PPM1E: variants seen among roughly 807,000 people sequenced by gnomAD.
PPM1E encodes the protein protein phosphatase 1E.
A neutral mutation model predicts 65.9 loss-of-function variants in PPM1E; 20 were observed. The ratio of observed to expected loss-of-function variants is 0.30; its 90% CI spans 0.21 to 0.44. The LOEUF (loss-of-function observed/expected upper bound fraction) is 0.44. PPM1E is among the 20% of genes least tolerant of loss of function. The pLI, the probability that PPM1E is intolerant of heterozygous loss-of-function variation, is 1.00. For missense variants in PPM1E, 713 were observed against 953.1 expected, an observed-to-expected ratio of 0.75 and a Z score of 3.32; for synonymous variants, 352 against 374.9, an observed-to-expected ratio of 0.94 and a Z score of 0.70.
chr17:58,925,347 T>C (rs2051810709), intron 1 of PPM1E, among the ~76,000 whole-genome samples: 1 of 152,172 alleles, frequency 6.6e-6, no homozygotes, highest in African/African-American at 2.4e-5. Flanking sequence ...AGCCCTTTTT[T>C]CATACCTTTT....
At chr17:58,759,828 A>T (rs1196777296) in intron 1 of PPM1E, among the ~76,000 whole-genome samples, 3 of 152,258 alleles carry the variant, frequency 2.0e-5, no homozygotes, top group Non-Finnish European at 4.4e-5. Context: ...ATTCAGTTAC[A>T]TTGAATTGTG....
At chr17:58,848,667 C>T (rs1298625626) in intron 1 of PPM1E, among the ~76,000 whole-genome samples, 3 of 152,102 alleles carry the variant, frequency 2.0e-5, no homozygotes, top group East Asian at 1.9e-4. Flanking sequence ...CTGCTGGATT[C>T]GGTTTGCCAG....
At chr17:58,857,396 G>A (rs913893081) in intron 1 of PPM1E, among the ~76,000 whole-genome samples, 5 of 151,896 alleles carry the variant, frequency 3.3e-5, no homozygotes, top group African/African-American at 7.3e-5. Flanking sequence ...GTACTATGTC[G>A]GTAGCAGTTT....
At chr17:58,778,954 A>ATATATATATG (rs2050024782) in intron 1 of PPM1E, among the ~76,000 whole-genome samples, 1 of 135,458 alleles carries the variant, frequency 7.4e-6, no homozygotes, top group Non-Finnish European at 1.6e-5. Context: ...ATATATATAT[A>ATATATATATG]TATATATGTA....
At chr17:58,930,250 T>TACACACACACAC (rs377147999) in intron 1 of PPM1E, among the ~76,000 whole-genome samples, 2 of 143,202 alleles carry the variant, frequency 1.4e-5, no homozygotes, top group African/African-American at 2.6e-5. Flanking sequence ...TAAATGTATA[T>TACACACACACAC]ACACACACAC....
Position 58,867,731 on chromosome 17 carries a change from T to C in PPM1E, c.465-87918T>C, listed in dbSNP as rs557609195. On this transcript the variant is annotated intron_variant, in intron 1 of 6. Coordinates refer to ENST00000308249, the MANE Select transcript of PPM1E (RefSeq NM_014906.5). ...TTAAAAGGATCAGATTTGGAAAAATTTTTGTATCTCACAATTTTGTTTTAC... is the reference window on the plus strand; with the variant it reads ...TTAAAAGGATCAGATTTGGAAAAATCTTTGTATCTCACAATTTTGTTTTAC... 7.2e-5 allele frequency among the ~76,000 whole-genome samples: 11 copies of C among 152,320 alleles called. No homozygotes were observed. The East Asian group carries it at 2.1e-3, about 29-fold the overall frequency.
chr17:58,927,680 C>G (rs1297530526), intron 1 of PPM1E, among the ~76,000 whole-genome samples: 1 of 152,034 alleles, frequency 6.6e-6, no homozygotes, highest in Non-Finnish European at 1.5e-5. Flanking sequence ...GAAGCTGAGG[C>G]AGGTGGATTG....
At chr17:58,791,878 C>G (rs2050160775) in intron 1 of PPM1E, among the ~76,000 whole-genome samples, 1 of 152,100 alleles carries the variant, frequency 6.6e-6, no homozygotes, top group Non-Finnish European at 1.5e-5. Flanking sequence ...TTCCTTAACC[C>G]TTTTTCCTGT....
chr17:58,867,258 A>G (rs948325502), intron 1 of PPM1E, among the ~76,000 whole-genome samples: 1 of 152,224 alleles, frequency 6.6e-6, no homozygotes, highest in Non-Finnish European at 1.5e-5. Flanking sequence ...GATTACAGGC[A>G]TGAGCCATCG....
chr17:58,927,102 ATTAC>A (rs779235479), intron 1 of PPM1E, among the ~76,000 whole-genome samples: 7 of 144,268 alleles, frequency 4.9e-5, no homozygotes, highest in African/African-American at 1.3e-4. Flanking sequence ...TTAGAGATAT[ATTAC>A]TTACTGACTT....
intron 1 of PPM1E, among the ~76,000 whole-genome samples, chr17:58,869,164 C>T (rs1233703959): frequency 6.6e-6 from 1 of 152,098 alleles, no homozygotes; most frequent in Non-Finnish European, 1.5e-5. Flanking sequence ...AGTGGGACTC[C>T]GTCTCAACAA....
chr17:58,785,030 C>T (rs978252383), intron 1 of PPM1E, among the ~76,000 whole-genome samples: 2 of 152,038 alleles, frequency 1.3e-5, no homozygotes, highest in Non-Finnish European at 1.5e-5. Flanking sequence ...TCTTTTGTCA[C>T]ATGTCCTTTG....
chr17:58,934,087 CAAAAAA>C (rs11316368), intron 1 of PPM1E, among the ~76,000 whole-genome samples: 9 of 80,134 alleles, frequency 1.1e-4, no homozygotes, highest in African/African-American at 2.9e-4. Flanking sequence ...GACTTCGTAT[CAAAAAA>C]AAAAAAAAAA....
At chr17:58,829,758 G>A (rs930270342) in intron 1 of PPM1E, among the ~76,000 whole-genome samples, 1 of 152,088 alleles carries the variant, frequency 6.6e-6, no homozygotes, top group Non-Finnish European at 1.5e-5. Context: ...AGCAGGATTA[G>A]TGAGCTTAAA....
At chr17:58,813,724 G>A (rs2050391055) in intron 1 of PPM1E, among the ~76,000 whole-genome samples, 1 of 152,200 alleles carries the variant, frequency 6.6e-6, no homozygotes, top group Non-Finnish European at 1.5e-5. Context: ...TACATTTAAA[G>A]CATTAAATAT....
At chr17:58,779,537 G>T (rs753464348) in intron 1 of PPM1E, among the ~76,000 whole-genome samples, 2 of 152,074 alleles carry the variant, frequency 1.3e-5, no homozygotes, top group Non-Finnish European at 2.9e-5. Context: ...CCTTTGAAGT[G>T]ATTTTGTATT....
At chr17:58,964,060 CAA>C (rs1017434266) in intron 2 of PPM1E, among the ~76,000 whole-genome samples, 2 of 152,072 alleles carry the variant, frequency 1.3e-5, no homozygotes, top group African/African-American at 4.8e-5. Flanking sequence ...CAGATTAAGG[CAA>C]AGACAGGACT....
At chr17:58,862,710 T>G (rs2050955168) in intron 1 of PPM1E, among the ~76,000 whole-genome samples, 1 of 152,330 alleles carries the variant, frequency 6.6e-6, no homozygotes, top group South Asian at 2.1e-4. Context: ...AATCCACAGT[T>G]GGGGAAGGCC....
chr17:58,829,024 T>A (rs2050571466), intron 1 of PPM1E, among the ~76,000 whole-genome samples: 1 of 152,114 alleles, frequency 6.6e-6, no homozygotes, highest in Non-Finnish European at 1.5e-5. Flanking sequence ...CACTATATAC[T>A]GTGTTTACAT....
Sources: gnomAD v4.1 joint callset for allele counts (sites outside exome capture counted in the v4.1 genomes callset) on GRCh38, gnomAD v4.1.1 for gene constraint, MANE v1.5 for transcripts, NCBI Gene and HGNC (gene_info 2026-07-23, HGNC 2026-07-21) for gene names.